OTOG: variants seen among roughly 807,000 people sequenced by gnomAD.
OTOG encodes the protein otogelin.
OTOG carries 296 observed loss-of-function variants against 313.8 expected under a neutral mutation model. The ratio of observed to expected loss-of-function variants is 0.94; its 90% confidence interval spans 0.86 to 1.04. The LOEUF is 1.04. OTOG is among the 50% of genes least tolerant of loss of function. The probability of loss-of-function intolerance (pLI) is 0.00; values close to 1 mark genes in which losing one functional copy is unlikely to be tolerated. For missense variants in OTOG, 3,948 were observed against 3,840.1 expected, an observed-to-expected ratio of 1.03 and a Z score of -0.74; for synonymous variants, 1,533 against 1,554.9, an observed-to-expected ratio of 0.99 and a Z score of 0.33.
chr11:17,589,157 G>A (rs1162583524), intron 24 of OTOG, among the ~76,000 whole-genome samples: 1 of 152,114 alleles, frequency 6.6e-6, no homozygotes, highest in Admixed American at 6.5e-5. Flanking sequence ...TGTGACTGGA[G>A]GGATGTGCAA....
In OTOG at chr11:17,572,074, C is replaced by T; in HGVS notation, c.1956-6C>T. 6.4e-7 allele frequency: 1 copy of T among 1,550,390 alleles called. No individual in the cohort carries two copies. Among genetic ancestry groups the T allele is most frequent in the Non-Finnish European group, 8.7e-7 (1 of 1,146,920 alleles). ...GTGTGTGAATATGGCTGTGACATGG[C>T]TGCAGGTCTCCAGTGGGTGTACCTG... On this transcript the variant is annotated splice_region_variant and splice_polypyrimidine_tract_variant and intron_variant, in intron 17 of 55. Coordinates refer to ENST00000399397, the MANE Select transcript of OTOG (RefSeq NM_001292063.2).
chr11:17,614,475 C>T (rs376243807), intron 39 of OTOG, among the ~76,000 whole-genome samples: 13 of 152,034 alleles, frequency 8.6e-5, no homozygotes, highest in African/African-American at 1.7e-4. Flanking sequence ...TAAAATTTAC[C>T]GTATTTAGTA....
In OTOG at chr11:17,610,357, A is replaced by C. The variant is rs2134090498; in HGVS notation, c.5057A>C (p.Gln1686Pro). The C allele has an allele frequency of 6.4e-7, 1 of 1,550,524 alleles. No individual in the cohort carries two copies. Residue 1686 changes from glutamine to proline, a missense_variant, in exon 36 of 56, where the codon CAG (glutamine) becomes CCG (proline). Transcript: ENST00000399397. The stretch of plus-strand genomic sequence containing the variant: ...AGGACAGGGGTCCCCCAGCCCACCC[A>C]GGCCCAGAGTGCTTCAAGTCCCAGC... Reference protein sequence around the residue: ...ISRTGVPQPTQAQSASSPSTP... With the variant: ...ISRTGVPQPTPAQSASSPSTP...
At chr11:17,633,581 C>A in intron 42 of OTOG, 99 bp from the exon 43 acceptor site, 1 of 1,156,126 alleles carries the variant, frequency 8.6e-7, no homozygotes, top group Non-Finnish European at 1.2e-6. Context: ...GCTGATGACA[C>A]TCTGAGCCCT....
At chr11:17,614,431 T>G (rs1027916776) in intron 39 of OTOG, among the ~76,000 whole-genome samples, 2 of 152,182 alleles carry the variant, frequency 1.3e-5, no homozygotes, top group East Asian at 1.9e-4. Flanking sequence ...ATAAAATTTT[T>G]CCATTAAAAA....
chr11:17,617,518 T>C (rs1462026389), intron 39 of OTOG, among the ~76,000 whole-genome samples: 1 of 152,112 alleles, frequency 6.6e-6, no homozygotes, highest in East Asian at 1.9e-4. Flanking sequence ...ATATTTCTTC[T>C]TTGGTAAATT....
At position 17,561,751 on chromosome 11, in the gene OTOG, A is replaced by G; in HGVS notation, c.1588A>G (p.Lys530Glu). Residue 530 changes from lysine (K) to glutamate (E), a missense_variant, in exon 15 of 56, where the codon AAG becomes GAG. Physicochemically the swap from Lys to Glu is moderately conservative, Grantham distance 56. Transcript: ENST00000399397. Reference sequence around the variant, plus strand: ...CGCCACATGTCAGTACATCCTGGCCAAGAGCCGCTCTTCGGGCACCTTCAC... The same window carrying G: ...CGCCACATGTCAGTACATCCTGGCCGAGAGCCGCTCTTCGGGCACCTTCAC... ...FPATCQYILA[K>E]SRSSGTFTVT... The G allele has an allele frequency of 6.4e-7, 1 of 1,550,524 alleles. No homozygotes were observed.
In OTOG at chr11:17,574,780, G is replaced by A; in HGVS notation, c.2354G>A (p.Cys785Tyr). 1 of 1,550,738 alleles carries A rather than the reference G, an allele frequency of 6.4e-7. No individual in the cohort carries two copies. Among genetic ancestry groups the A allele is most frequent in the Non-Finnish European group, 8.7e-7 (1 of 1,147,000 alleles). ...TGCGTGGCCCCGTGTGGACGTACCT[G>A]CCAGGACCTGGCCAGCCCTGAGGCC... is the stretch of plus-strand genomic sequence containing the variant. ...SPCVAPCGRT[C>Y]QDLASPEACG... Residue 785 changes from cysteine (C) to tyrosine (Y), a missense_variant, in exon 20 of 56, where the codon TGC (cysteine) becomes TAC (tyrosine). Physicochemically the swap from Cys to Tyr is radical, Grantham distance 194. Transcript: ENST00000399397.
chr11:17,635,283 G>A, intron 46 of OTOG, 96 bp downstream of exon 46: 2 of 1,021,002 alleles, frequency 2.0e-6, no homozygotes, highest in Admixed American at 2.5e-5. Flanking sequence ...AAAGGCTGGG[G>A]GTCTTCAGAT....
chr11:17,613,654 A>C lies in OTOG; in HGVS notation c.6481A>C (p.Met2161Leu). Residue 2161 changes from methionine to leucine, a missense_variant, in exon 39 of 56, where the codon ATG (methionine) becomes CTG (leucine). Transcript: ENST00000399397. ...WPPFCLVMLN[M>L]THLAHQVTID... The stretch of plus-strand genomic sequence containing the variant: ...CCCGTTCTGTCTGGTGATGTTGAAC[A>C]TGACTCACTTGGCCCATCAGGTCAC... 1 of 1,550,758 alleles carries C rather than the reference A, an allele frequency of 6.4e-7. No homozygotes were observed. The highest frequency in any genetic ancestry group is 8.7e-7 in the Non-Finnish European group (1 of 1,147,034).
chr11:17,588,528 T>C (rs781289091), intron 24 of OTOG, among the ~76,000 whole-genome samples: 6 of 152,126 alleles, frequency 3.9e-5, no homozygotes, highest in Non-Finnish European at 8.8e-5. Context: ...AATGACAGGA[T>C]GGATACATAG....
rs781611324 is a variant in OTOG at position 17,635,671 on chromosome 11, C to T, written c.7755C>T (p.His2585=). The change falls in exon 47 of 56, where the codon CAC becomes CAT. Residue 2585 remains histidine (H), a synonymous_variant. Coordinates refer to ENST00000399397, the MANE Select transcript of OTOG (RefSeq NM_001292063.2). ...AAGAAGGGGAGGCGCTCACTGTGCACAGGAATACCACGGAACTCTGCTGCC... is the reference window on the plus strand; with the variant it reads ...AAGAAGGGGAGGCGCTCACTGTGCATAGGAATACCACGGAACTCTGCTGCC... ...ECQEGEALTV[H]RNTTELCCPL... 6 of 1,550,482 alleles carry T rather than the reference C, an allele frequency of 3.9e-6. No homozygotes were observed. The highest frequency in any genetic ancestry group is 2.7e-5 in the African/African-American group (2 of 73,050).
chr11:17,588,983 C>T (rs1852869880), intron 24 of OTOG, among the ~76,000 whole-genome samples: 1 of 152,154 alleles, frequency 6.6e-6, no homozygotes, highest in African/African-American at 2.4e-5. Context: ...TCGATGTCTC[C>T]CCTTCCCTTT....
intron 22 of OTOG, 63 bp from the exon 23 acceptor site, chr11:17,578,310 C>A: frequency 7.1e-7 from 1 of 1,411,738 alleles, no homozygotes; most frequent in East Asian, 2.6e-5. Context: ...AGCTGCTGCC[C>A]CTGTAGCCCA....
intron 14 of OTOG, 133 bp from the exon 15 acceptor site, chr11:17,561,529 G>A (rs901917837): frequency 2.1e-6 from 2 of 940,872 alleles, no homozygotes; most frequent in East Asian, 2.6e-5. Flanking sequence ...GGCTCTCAGG[G>A]GCCAGGCCTC....
intron 29 of OTOG, 101 bp downstream of exon 29, chr11:17,596,255 G>C: frequency 1.2e-6 from 1 of 855,414 alleles, no homozygotes; most frequent in Admixed American, 2.1e-5. Context: ...AGACAGCTCA[G>C]ATCTCCAGGG....
At chr11:17,600,556 G>A (rs1185675275) in intron 31 of OTOG, among the ~76,000 whole-genome samples, 2 of 152,290 alleles carry the variant, frequency 1.3e-5, no homozygotes, top group African/African-American at 2.4e-5. Flanking sequence ...AGAGACTGGA[G>A]ACAGGATACC....
rs1431405536 is a variant in OTOG, at chr11:17,634,959, CG to C, written c.7585+15del. ...CCAGCTACAGCTGTGGTGAGAGGCC[CG>C]GGGTGGGGAGGGTGGGGGACGGACT... On this transcript the variant is annotated intron_variant, in intron 45 of 55. Transcript: ENST00000399397. The C allele has an allele frequency of 1.7e-5, 8 of 483,282 alleles. No homozygotes were observed. Among genetic ancestry groups the C allele is most frequent in the Admixed American group, 3.4e-5 (1 of 29,658 alleles). 29.9% of individuals were successfully genotyped at this position (483,282 alleles called of 1,614,324 possible). A position where few individuals can be genotyped will look rare whatever the true frequency, so the allele number is the denominator to read the frequency against.
At chr11:17,564,801 C>T (rs147351098) in intron 15 of OTOG, among the ~76,000 whole-genome samples, 16 of 152,310 alleles carry the variant, frequency 1.1e-4, no homozygotes, top group African/African-American at 3.4e-4. Flanking sequence ...TATGATGAGA[C>T]AGGCCTACAG....
Sources: allele counts gnomAD v4.1 joint callset (sites outside exome capture counted in the v4.1 genomes callset), GRCh38; gene constraint gnomAD v4.1.1; transcripts MANE v1.5; gene names NCBI Gene and HGNC (gene_info 2026-07-23, HGNC 2026-07-21).